RPAP3: variants seen among roughly 807,000 people sequenced by gnomAD.
RPAP3 encodes RNA polymerase II-associated protein 3.
A neutral mutation model predicts 88.8 loss-of-function variants in RPAP3; 58 were observed. The observed-to-expected ratio is 0.65, with a 90% CI of 0.53 to 0.81. The LOEUF (loss-of-function observed/expected upper bound fraction) is 0.81, where lower values mean the gene tolerates loss of function less well. RPAP3 is among the 40% of genes least tolerant of loss of function. RPAP3 has a pLI of 0.00. For missense variants in RPAP3, 751 were observed against 764.3 expected (o/e 0.98, Z 0.20); for synonymous variants, 255 against 259.9 (o/e 0.98, Z 0.18).
intron 5 of RPAP3, chr12:47,695,968 T>C (rs1939517860): frequency 5.2e-6 from 1 of 194,030 alleles, no homozygotes; most frequent in Non-Finnish European, 1.0e-5. Flanking sequence ...AATGACAGGA[T>C]ATTAATTTCT....
At chr12:47,699,275 C>A (rs1006851238) in intron 3 of RPAP3, 1 of 152,148 alleles carries the variant, frequency 6.6e-6, no homozygotes, top group Non-Finnish European at 1.5e-5. Flanking sequence ...GAAAACATCT[C>A]TGTAAGAAAT....
chr12:47,663,375 GTTAA>G lies in RPAP3; in HGVS notation c.*126_*129del, dbSNP rs1217880026. ...TAGTTAAATCACAATTCACCTTATAGTTAATTAACTTATGTTCAAAGATAGTCCT... is the reference window on the plus strand; with the variant it reads ...TAGTTAAATCACAATTCACCTTATAGTTAACTTATGTTCAAAGATAGTCCT... On this transcript the variant is annotated 3_prime_UTR_variant, in exon 17 of 17. Coordinates refer to ENST00000005386, the MANE Select transcript of RPAP3 (RefSeq NM_024604.3). 8.3e-6 allele frequency: 5 copies of G among 601,304 alleles called. No homozygotes were observed. Among genetic ancestry groups the G allele is most frequent in the African/African-American group, 5.7e-5 (3 of 52,456 alleles). The allele number at this position is 601,304 out of a possible 1,614,324, so 37.2% of individuals were successfully genotyped here.
At chr12:47,699,664 A>G (rs1424051184) in intron 3 of RPAP3, 1 of 152,220 alleles carries the variant, frequency 6.6e-6, no homozygotes, top group Non-Finnish European at 1.5e-5. Context: ...TATATCCACC[A>G]AAAGACAAAT....
At chr12:47,690,406 T>C in intron 6 of RPAP3, 112 bp downstream of exon 6, 1 of 874,334 alleles carries the variant, frequency 1.1e-6, no homozygotes, top group Non-Finnish European at 1.6e-6. Flanking sequence ...TGACCTTTGT[T>C]CAAATACAGA....
chr12:47,705,505 G>A (rs1289948253), intron 1 of RPAP3, among the ~76,000 whole-genome samples: 2 of 152,228 alleles, frequency 1.3e-5, no homozygotes, highest in African/African-American at 2.4e-5. Context: ...TGCTGCTCGA[G>A]CAGGCCCAAA....
chr12:47,689,682 C>T (rs1411092989), intron 6 of RPAP3, among the ~76,000 whole-genome samples: 1 of 152,146 alleles, frequency 6.6e-6, no homozygotes, highest in Non-Finnish European at 1.5e-5. Flanking sequence ...CAGACAAAAT[C>T]CTATGACAAA....
intron 10 of RPAP3, 37 bp downstream of exon 10, chr12:47,681,659 T>G: frequency 6.2e-7 from 1 of 1,601,104 alleles, no homozygotes; most frequent in Non-Finnish European, 8.5e-7. Flanking sequence ...TGGGCACTCA[T>G]CAGGATGACT....
intron 2 of RPAP3, 108 bp downstream of exon 2, chr12:47,702,580 G>A (rs1257061876): frequency 4.3e-6 from 4 of 926,998 alleles, no homozygotes; most frequent in African/African-American, 3.4e-5. Flanking sequence ...AATTGACAGT[G>A]AAGCAAGTCA....
chr12:47,687,763 C>T (rs759598146), intron 8 of RPAP3, 113 bp downstream of exon 8: 11 of 1,273,500 alleles, frequency 8.6e-6, no homozygotes, highest in Non-Finnish European at 1.2e-5. Flanking sequence ...ATTCCCAATT[C>T]CTACTCAAGC....
Position 47,690,566 on chromosome 12 carries a change from G to T in RPAP3, c.619C>A (p.Arg207=), listed in dbSNP as rs367995387. Reference sequence around the variant, plus strand: ...TGCAAAGCAAATCGAGCAGCACCTCGTCTGGAATAAGCCTTTGTATAACTT... The same window carrying T: ...TGCAAAGCAAATCGAGCAGCACCTCTTCTGGAATAAGCCTTTGTATAACTT... ...NRSYTKAYSR[R]GAARFALQKL... Residue 207 remains arginine (R), a synonymous_variant, in exon 6 of 17, where the codon CGA becomes AGA. Coordinates refer to ENST00000005386, the MANE Select transcript of RPAP3 (RefSeq NM_024604.3). 8.0e-5 allele frequency: 128 copies of T among 1,603,974 alleles called. No homozygotes were observed. The highest frequency in any genetic ancestry group is 2.5e-4 in the Admixed American group (15 of 59,354).
At chr12:47,701,312 A>G (rs966768700) in intron 3 of RPAP3, 152 bp downstream of exon 3, 25 of 479,450 alleles carry the variant, frequency 5.2e-5, no homozygotes, top group African/African-American at 4.6e-4. Context: ...CTAAAGAGCT[A>G]TGTCATTAAA....
At chr12:47,685,242 C>T (rs1449821534) in intron 9 of RPAP3, among the ~76,000 whole-genome samples, 6 of 151,980 alleles carry the variant, frequency 3.9e-5, no homozygotes, top group African/African-American at 7.3e-5. Flanking sequence ...AGCTAGGTGT[C>T]ATGGCGCATG....
In RPAP3 at chr12:47,693,266, G is replaced by T. The variant is rs190758816; in HGVS notation, c.546-2627C>A. Among the ~76,000 whole-genome samples the T allele has an allele frequency of 1.6e-3, 239 of 152,228 alleles. 1 individual carries two copies. The highest frequency in any genetic ancestry group is 5.5e-3 in the African/African-American group (230 of 41,540). On this transcript the variant is annotated intron_variant, in intron 5 of 16. Transcript: ENST00000005386. Reference sequence around the variant, plus strand: ...GCCCAAGGAGAAGGAGAGAGATGGGGGGTCGGGGGTAGCTGGTCAATGAAG... The same window carrying T: ...GCCCAAGGAGAAGGAGAGAGATGGGTGGTCGGGGGTAGCTGGTCAATGAAG...
intron 13 of RPAP3, among the ~76,000 whole-genome samples, chr12:47,669,808 T>C (rs192861772): frequency 1.3e-3 from 195 of 152,230 alleles, no homozygotes; most frequent in African/African-American, 4.1e-3. Context: ...AAACTAAAAT[T>C]TTGCTGAACT....
At chr12:47,678,492 T>A (rs1176852131) in intron 12 of RPAP3, among the ~76,000 whole-genome samples, 1 of 152,092 alleles carries the variant, frequency 6.6e-6, no homozygotes, top group African/African-American at 2.4e-5. Flanking sequence ...ATTTTTGCAA[T>A]CTACCCTCTG....
At chr12:47,702,370 A>G (rs1439298358) in intron 2 of RPAP3, among the ~76,000 whole-genome samples, 1 of 151,310 alleles carries the variant, frequency 6.6e-6, no homozygotes, top group Non-Finnish European at 1.5e-5. Flanking sequence ...ACATGATGAG[A>G]CCCCGTCTCT....
intron 13 of RPAP3, 87 bp from the exon 14 acceptor site, chr12:47,669,189 T>G: frequency 2.4e-6 from 2 of 824,280 alleles, no homozygotes; most frequent in Non-Finnish European, 3.9e-6. Context: ...TTTTTAAATT[T>G]TTGACTATTA....
In RPAP3 at chr12:47,697,644, C is replaced by G. The variant is rs750480505; in HGVS notation, c.370G>C (p.Asp124His). 4.2e-5 allele frequency: 67 copies of G among 1,610,964 alleles called. No homozygotes were observed. Among genetic ancestry groups the G allele is most frequent in the Non-Finnish European group, 3.8e-5 (45 of 1,178,602 alleles). Residue 124 changes from aspartate to histidine, a missense_variant, in exon 4 of 17, where the codon GAT (aspartate) becomes CAT (histidine). Physicochemically the swap from Asp to His is moderately conservative, Grantham distance 81 (BLOSUM62 -1). Coordinates refer to ENST00000005386, the MANE Select transcript of RPAP3 (RefSeq NM_024604.3). ...SLSQESESEE[D>H]GIHVDSQKAL... ...TTTTGTGAATCTACATGAATCCCAT[C>G]TTCTTCCGACTCTGATTCTTGAGAC...
intron 16 of RPAP3, among the ~76,000 whole-genome samples, chr12:47,663,911 G>T (rs1252190544): frequency 6.6e-6 from 1 of 151,970 alleles, no homozygotes; most frequent in Non-Finnish European, 1.5e-5. Flanking sequence ...TGTAACAAGT[G>T]TATTTTTATT....
Sources: gnomAD v4.1 joint callset for allele counts (sites outside exome capture counted in the v4.1 genomes callset) on GRCh38, gnomAD v4.1.1 for gene constraint, MANE v1.5 for transcripts, NCBI Gene and HGNC (gene_info 2026-07-23, HGNC 2026-07-21) for gene names.